SYNE2: variants seen among roughly 807,000 people sequenced by gnomAD.
SYNE2 encodes the protein spectrin repeat containing nuclear envelope protein 2.
In SYNE2, 431 loss-of-function variants were observed where a neutral mutation model predicts 856.3. The ratio of observed to expected loss-of-function variants is 0.50; its 90% CI spans 0.47 to 0.55. The LOEUF (loss-of-function observed/expected upper bound fraction) is 0.55, where lower values mean the gene tolerates loss of function less well. SYNE2 is among the 20% of genes least tolerant of loss of function. SYNE2 has a pLI of 0.00. For missense variants in SYNE2, 8,129 were observed against 8,023.2 expected (o/e 1.01, Z -0.50); for synonymous variants, 2,923 against 2,872.3 (o/e 1.02, Z -0.56).
chr14:64,070,666 T>G lies in SYNE2; in HGVS notation c.10453T>G (p.Leu3485Val). The G allele has an allele frequency of 6.2e-7, 1 of 1,613,622 alleles. No individual in the cohort carries two copies. The highest frequency in any genetic ancestry group is 8.5e-7 in the Non-Finnish European group (1 of 1,179,776). ...TTAGATTGAACGAGAGGCAATTATTTTAGATAATCTTCAGGAAGAACTCCC... is the reference window on the plus strand; with the variant it reads ...TTAGATTGAACGAGAGGCAATTATTGTAGATAATCTTCAGGAAGAACTCCC... ...SEEIEREAII[L>V]DNLQEELPEI... is the part of the protein sequence containing the mutation. Residue 3485 changes from leucine (L) to valine (V), a missense_variant, in exon 52 of 116, where the codon TTA (leucine) becomes GTA (valine). Physicochemically the swap from Leu to Val is conservative, Grantham distance 32 (BLOSUM62 1). This residue lies in a region of SYNE2 where 5,410 missense variants were observed against 5,284.8 expected (regional missense o/e 1.02). Transcript: ENST00000555002.
intron 64 of SYNE2, 90 bp downstream of exon 64, chr14:64,102,132 C>T (rs2097735456): frequency 2.2e-6 from 2 of 916,334 alleles, no homozygotes; most frequent in Admixed American, 1.9e-5. Flanking sequence ...TTTCCCTACA[C>T]CCCTGAGACG....
intron 79 of SYNE2, among the ~76,000 whole-genome samples, chr14:64,138,877 G>A (rs1487444400): frequency 1.3e-5 from 2 of 150,844 alleles, no homozygotes; most frequent in African/African-American, 4.9e-5. Context: ...TCAGCCAGCA[G>A]CAGTTTGTTG....
In SYNE2 at chr14:64,087,838, G is replaced by T. The variant is rs2097575346; in HGVS notation, c.11652G>T (p.Gln3884His). The change falls in exon 58 of 116, where the codon CAG becomes CAT. Residue 3884 changes from glutamine (Q) to histidine (H), a missense_variant. Gln to His is a conservative substitution (Grantham distance 24). Transcript: ENST00000555002. ...AAAAAATAATGGAAAGCCTTCCACA[G>T]ATTCAGCGAATGGCTGATGTAAGTT... ...LQQKIMESLP[Q>H]IQRMADDVVA... 1.2e-6 allele frequency: 2 copies of T among 1,614,022 alleles called. No individual in the cohort carries two copies. The highest frequency in any genetic ancestry group is 1.7e-6 in the Non-Finnish European group (2 of 1,179,924).
chr14:64,002,209 T>G (rs1014388031), intron 29 of SYNE2, 128 bp downstream of exon 29: 1 of 856,642 alleles, frequency 1.2e-6, no homozygotes, highest in African/African-American at 1.7e-5. Flanking sequence ...AGTTTTTTTT[T>G]CAGTAATTTA....
intron 53 of SYNE2, 123 bp downstream of exon 53, chr14:64,074,259 GGC>G: frequency 6.2e-6 from 6 of 967,550 alleles, no homozygotes; most frequent in Non-Finnish European, 8.3e-6. Context: ...GAGAGAGAGA[GGC>G]ATAGGCAAAG....
At chr14:63,900,553 G>C (rs1013949639) in intron 1 of SYNE2, among the ~76,000 whole-genome samples, 1 of 152,152 alleles carries the variant, frequency 6.6e-6, no homozygotes, top group Non-Finnish European at 1.5e-5. Context: ...CCCCCCACTA[G>C]GTTCCTCCCA....
At chr14:63,833,068 G>A (rs146252869) in intron 1 of SYNE2, among the ~76,000 whole-genome samples, 130 of 151,536 alleles carry the variant, frequency 8.6e-4, no homozygotes, top group African/African-American at 3.0e-3. Context: ...TATTGGCTGG[G>A]TGCAGTAGCT....
intron 99 of SYNE2, among the ~76,000 whole-genome samples, chr14:64,201,230 C>T (rs1370444107): frequency 6.6e-6 from 1 of 152,198 alleles, no homozygotes; most frequent in Non-Finnish European, 1.5e-5. Flanking sequence ...CTACCACTTC[C>T]CTGAAGCTTA....
intron 1 of SYNE2, among the ~76,000 whole-genome samples, chr14:63,880,384 G>T (rs914588537): frequency 8.5e-5 from 13 of 152,128 alleles, no homozygotes; most frequent in Non-Finnish European, 1.8e-4. Context: ...GAGCCACCAT[G>T]CCTGGCTGAA....
intron 1 of SYNE2, among the ~76,000 whole-genome samples, chr14:63,794,579 A>G (rs1029268155): frequency 6.6e-6 from 1 of 152,218 alleles, no homozygotes; most frequent in Admixed American, 6.5e-5. Context: ...GAATATAAAC[A>G]ATCAACTATA....
chr14:63,770,115 T>G (rs1441717075), intron 1 of SYNE2, among the ~76,000 whole-genome samples: 1 of 152,100 alleles, frequency 6.6e-6, no homozygotes, highest in Non-Finnish European at 1.5e-5. Context: ...AGACAGTGTC[T>G]TATCATGTTG....
rs202236746 is a variant in SYNE2, at chr14:64,165,655, G to A, written c.16605+245G>A. 5.9e-5 allele frequency among the ~76,000 whole-genome samples: 9 copies of A among 152,212 alleles called. No homozygotes were observed. The East Asian group carries it at 1.7e-3, about 29-fold the overall frequency. Reference sequence around the variant, plus strand: ...AGCCTCCCAAGTAGCTGGGACTACAGACATGTGCCACCATGTCCGGCTAAT... The same window carrying A: ...AGCCTCCCAAGTAGCTGGGACTACAAACATGTGCCACCATGTCCGGCTAAT... On this transcript the variant is annotated intron_variant, in intron 90 of 115. Coordinates refer to ENST00000555002, the MANE Select transcript of SYNE2 (RefSeq NM_182914.3).
chr14:64,165,515 C>CT, intron 90 of SYNE2, 105 bp downstream of exon 90: 1 of 1,289,166 alleles, frequency 7.8e-7, no homozygotes, highest in Non-Finnish European at 1.1e-6. Context: ...CTAACTCACT[C>CT]TTATTTTTTT....
intron 2 of SYNE2, among the ~76,000 whole-genome samples, chr14:63,926,017 A>G (rs2095660140): frequency 6.6e-6 from 1 of 151,040 alleles, no homozygotes. Context: ...AATTTTTCAT[A>G]TTTTTTTGTG....
At position 63,967,725 on chromosome 14, in the gene SYNE2, T is replaced by C; in HGVS notation, c.1007T>C (p.Met336Thr). The C allele has an allele frequency of 6.2e-7, 1 of 1,614,104 alleles. No individual in the cohort carries two copies. The highest frequency in any genetic ancestry group is 2.2e-5 in the East Asian group (1 of 44,880). Residue 336 changes from methionine to threonine, a missense_variant, in exon 11 of 116, where the codon ATG (methionine) becomes ACG (threonine). Physicochemically the swap from Met to Thr is moderately conservative, Grantham distance 81 (BLOSUM62 -1). Coordinates refer to ENST00000555002, the MANE Select transcript of SYNE2 (RefSeq NM_182914.3). ...TAATTGCAGAGCCTGCTGTCCTTTA[T>C]GGAGTCATTCAATGAAGAAAAAAAG... is the stretch of plus-strand genomic sequence containing the variant. Reference protein sequence around the residue: ...FKKYNSLLSFMESFNEEKKSF... With the variant: ...FKKYNSLLSFTESFNEEKKSF...
chr14:63,969,356 T>G (rs2096443577), intron 11 of SYNE2, among the ~76,000 whole-genome samples: 3 of 118,730 alleles, frequency 2.5e-5, no homozygotes, highest in Non-Finnish European at 5.4e-5. Context: ...TTTTTTTTTT[T>G]TTTGAGATGG....
chr14:63,983,195 A>G (rs1372641660), intron 17 of SYNE2, among the ~76,000 whole-genome samples: 2 of 152,224 alleles, frequency 1.3e-5, no homozygotes, highest in Non-Finnish European at 2.9e-5. Context: ...CATTGTATGG[A>G]TATACCACAT....
intron 23 of SYNE2, among the ~76,000 whole-genome samples, chr14:63,996,483 C>T (rs1263367361): frequency 6.6e-6 from 1 of 152,074 alleles, no homozygotes. Flanking sequence ...CTTTAGCATC[C>T]CTCCTGCTGT....
upstream of SYNE2, among the ~76,000 whole-genome samples, chr14:63,850,424 C>T (rs73276857): frequency 0.014 from 2,201 of 151,998 alleles, 35 homozygotes; most frequent in South Asian, 0.078. Flanking sequence ...ATTTGTATTT[C>T]GGTACATGGA....
Sources: gnomAD v4.1 joint callset for allele counts (sites outside exome capture counted in the v4.1 genomes callset) on GRCh38, gnomAD v4.1.1 for gene constraint, gnomAD v4.1.1 regional missense constraint, MANE v1.5 for transcripts, NCBI Gene and HGNC (gene_info 2026-07-23, HGNC 2026-07-21) for gene names.